Variants in MARCHF1 observed in about 807,000 individuals in gnomAD.
MARCHF1 encodes E3 ubiquitin-protein ligase MARCHF1.
MARCHF1 carries 40 observed loss-of-function variants against 54.2 expected under a neutral mutation model. The observed-to-expected ratio is 0.74, with a 90% CI of 0.57 to 0.96. MARCHF1 has a LOEUF of 0.96. MARCHF1 is among the 40% of genes least tolerant of loss of function. MARCHF1 has a pLI of 0.00. For synonymous variants in MARCHF1, 236 were observed against 236.3 expected, an observed-to-expected ratio of 1.00 and a Z score of 0.01; for missense variants, 586 against 656.5, an observed-to-expected ratio of 0.89 and a Z score of 1.17.
chr4:163,558,498 T>C (rs1418043539), intron 8 of MARCHF1, among the ~76,000 whole-genome samples: 4 of 152,126 alleles, frequency 2.6e-5, no homozygotes, highest in African/African-American at 9.7e-5. Context: ...ACTTGGTCAT[T>C]GCTGAAGTGA....
At position 164,177,124 on chromosome 4, in the gene MARCHF1, G is replaced by A. The variant is rs186816312; in HGVS notation, c.-322-65462C>T. Among the ~76,000 whole-genome samples, 15 of 150,612 alleles carry A rather than the reference G, an allele frequency of 1.0e-4. No individual in the cohort carries two copies. In the East Asian group the frequency reaches 1.4e-3, roughly 14 times the overall value. ...CATATAGCCCTTAATAGTTTCAATC[G>A]TACTGCAGTGAAGCTAGACAGGAGT... On this transcript the variant is annotated intron_variant, in intron 1 of 9. Coordinates refer to ENST00000514618, the MANE Select transcript of MARCHF1 (RefSeq NM_001394959.1).
At chr4:164,372,187 A>G (rs1731054744) in intron 1 of MARCHF1, among the ~76,000 whole-genome samples, 1 of 152,260 alleles carries the variant, frequency 6.6e-6, no homozygotes, top group African/African-American at 2.4e-5. Flanking sequence ...GCATCAAAAT[A>G]TCGTGATTAA....
intron 2 of MARCHF1, among the ~76,000 whole-genome samples, chr4:164,069,903 G>A (rs182097963): frequency 6.6e-6 from 1 of 152,256 alleles, no homozygotes; most frequent in Non-Finnish European, 1.5e-5. Flanking sequence ...GAAAAATGTG[G>A]TACATATATA....
At chr4:164,334,491 A>G (rs992124400) in intron 1 of MARCHF1, among the ~76,000 whole-genome samples, 5 of 151,782 alleles carry the variant, frequency 3.3e-5, no homozygotes, top group Non-Finnish European at 5.9e-5. Context: ...GGTTTACTAA[A>G]TATTTTAAAC....
intron 4 of MARCHF1, among the ~76,000 whole-genome samples, chr4:163,789,564 T>C (rs1405813522): frequency 6.6e-6 from 1 of 151,162 alleles, no homozygotes; most frequent in Admixed American, 6.6e-5. Context: ...TATATTAGAG[T>C]CATCTGAGGA....
chr4:163,836,431 G>A (rs13147630), intron 4 of MARCHF1, among the ~76,000 whole-genome samples: 1 of 143,786 alleles, frequency 7.0e-6, no homozygotes, highest in Non-Finnish European at 1.5e-5. Context: ...ATTTTTAGTA[G>A]AGACGGGGTT....
intron 3 of MARCHF1, among the ~76,000 whole-genome samples, chr4:163,964,012 T>C (rs1752391517): frequency 6.6e-6 from 1 of 151,936 alleles, no homozygotes; most frequent in Non-Finnish European, 1.5e-5. Flanking sequence ...TTGTTTTACT[T>C]TGGGGTAATT....
chr4:163,763,603 C>G (rs1021798403), intron 4 of MARCHF1, among the ~76,000 whole-genome samples: 3 of 151,980 alleles, frequency 2.0e-5, no homozygotes, highest in African/African-American at 7.2e-5. Context: ...GACTTTCCCC[C>G]CTTACGAACT....
intron 4 of MARCHF1, among the ~76,000 whole-genome samples, chr4:163,707,033 T>G (rs1260892916): frequency 6.6e-6 from 1 of 152,092 alleles, no homozygotes; most frequent in Non-Finnish European, 1.5e-5. Context: ...GCTGGACAAC[T>G]GGCTACCTCT....
intron 1 of MARCHF1, among the ~76,000 whole-genome samples, chr4:164,331,825 T>C (rs533980962): frequency 6.6e-6 from 1 of 152,330 alleles, no homozygotes; most frequent in South Asian, 2.1e-4. Flanking sequence ...CTTATCTTTG[T>C]CTTTGTGTAA....
rs934367803 is a variant in MARCHF1, at chr4:164,237,713, C to A, written c.-322-126051G>T. ...TCTTTCTGCACTTAAACGATCCCCC[C>A]AAAATGCAGCGTAGTGTTTTGTGTT... is the stretch of plus-strand genomic sequence containing the variant. On this transcript the variant is annotated intron_variant, in intron 1 of 9. Coordinates refer to ENST00000514618, the MANE Select transcript of MARCHF1 (RefSeq NM_001394959.1). Among the ~76,000 whole-genome samples the A allele has an allele frequency of 1.1e-4, 17 of 152,076 alleles. No individual in the cohort carries two copies. The East Asian group carries it at 2.9e-3, about 26-fold the overall frequency.
intron 5 of MARCHF1, among the ~76,000 whole-genome samples, chr4:163,654,424 C>T (rs1235718223): frequency 6.6e-6 from 1 of 151,636 alleles, no homozygotes; most frequent in Non-Finnish European, 1.5e-5. Flanking sequence ...ACATTAAATT[C>T]TCTCATTTTT....
intron 2 of MARCHF1, among the ~76,000 whole-genome samples, chr4:164,097,828 C>T (rs1313811015): frequency 6.6e-6 from 1 of 152,184 alleles, no homozygotes; most frequent in Admixed American, 6.5e-5. Context: ...AGTGAAGCAA[C>T]ATCCATATTC....
At chr4:163,731,934 A>G (rs2111327119) in intron 4 of MARCHF1, among the ~76,000 whole-genome samples, 1 of 152,298 alleles carries the variant, frequency 6.6e-6, no homozygotes, top group East Asian at 1.9e-4. Context: ...ACTGCTTTCA[A>G]CCAACAACAA....
intron 5 of MARCHF1, among the ~76,000 whole-genome samples, chr4:163,690,902 T>C (rs1264370661): frequency 6.6e-6 from 1 of 152,200 alleles, no homozygotes; most frequent in African/African-American, 2.4e-5. Flanking sequence ...CATCTCCTTC[T>C]GGGAACCAGA....
chr4:163,902,028 ACT>A (rs1560811633), intron 3 of MARCHF1, among the ~76,000 whole-genome samples: 2 of 152,174 alleles, frequency 1.3e-5, no homozygotes, highest in African/African-American at 4.8e-5. Context: ...TGAGGATCAA[ACT>A]CTGCTTATTT....
chr4:163,754,738 TA>T (rs1746616753), intron 4 of MARCHF1, among the ~76,000 whole-genome samples: 1 of 150,568 alleles, frequency 6.6e-6, no homozygotes, highest in Non-Finnish European at 1.5e-5. Flanking sequence ...CTTTTTTTTT[TA>T]GATAAAGTGC....
At chr4:163,699,776 T>C (rs1407279105) in intron 5 of MARCHF1, among the ~76,000 whole-genome samples, 1 of 152,174 alleles carries the variant, frequency 6.6e-6, no homozygotes, top group Non-Finnish European at 1.5e-5. Flanking sequence ...TTTTGACAAA[T>C]GACTCTAAAT....
chr4:164,227,756 T>C (rs886425200), intron 1 of MARCHF1, among the ~76,000 whole-genome samples: 2 of 152,158 alleles, frequency 1.3e-5, no homozygotes, highest in African/African-American at 4.8e-5. Context: ...TCAACTATTT[T>C]AGGACTCCCT....
Sources: allele counts gnomAD v4.1 joint callset (sites outside exome capture counted in the v4.1 genomes callset), GRCh38; gene constraint gnomAD v4.1.1; transcripts MANE v1.5; gene names NCBI Gene and HGNC (gene_info 2026-07-23, HGNC 2026-07-21).